CNTN2: variants seen among roughly 807,000 people sequenced by gnomAD.
CNTN2 encodes the protein contactin 2.
In CNTN2, 53 loss-of-function variants were observed where a neutral mutation model predicts 117.5. That is an observed-to-expected ratio of 0.45 (90% CI 0.36 to 0.57). The LOEUF (loss-of-function observed/expected upper bound fraction) is 0.57, where lower values mean the gene tolerates loss of function less well. Ranked by LOEUF, CNTN2 falls within the 20% of genes least tolerant of loss-of-function variation. CNTN2 has a pLI of 0.00. For missense variants in CNTN2, 1,106 were observed against 1,404.3 expected, an observed-to-expected ratio of 0.79 and a Z score of 3.39; for synonymous variants, 530 against 561.7, an observed-to-expected ratio of 0.94 and a Z score of 0.80.
In CNTN2 at chr1:205,072,691, T is replaced by C. The variant is rs1475811992; in HGVS notation, c.2844+96T>C. On this transcript the variant is annotated intron_variant, in intron 21 of 22. Transcript: ENST00000331830. Reference sequence around the variant, plus strand: ...GCAGCAATTTATAGCAAGAGGCATCTGAGTGAGACATAAGCAAAGGGTTTG... The same window carrying C: ...GCAGCAATTTATAGCAAGAGGCATCCGAGTGAGACATAAGCAAAGGGTTTG... The C allele has an allele frequency of 5.7e-6, 5 of 875,786 alleles. No homozygotes were observed. The African/African-American group carries it at 8.3e-5, about 14-fold the overall frequency. The allele number at this position is 875,786 out of a possible 1,614,324, so 54.3% of individuals were successfully genotyped here.
chr1:205,062,145 G>T (rs1489481560), intron 9 of CNTN2, 144 bp downstream of exon 9: 2 of 1,052,416 alleles, frequency 1.9e-6, no homozygotes, highest in South Asian at 3.4e-5. Context: ...GACCACCTAA[G>T]GACTTCTTCC....
At chr1:205,064,170 T>C in intron 10 of CNTN2, 152 bp from the exon 11 acceptor site, 1 of 810,826 alleles carries the variant, frequency 1.2e-6, no homozygotes, top group Non-Finnish European at 1.9e-6. Flanking sequence ...ATTTGATAGC[T>C]TAGGCCAGAG....
Position 205,073,332 on chromosome 1 carries a change from A to G in CNTN2, c.3013+96A>G. 1 of 1,439,564 alleles carries G rather than the reference A, an allele frequency of 6.9e-7. No individual in the cohort carries two copies. The highest frequency in any genetic ancestry group is 1.3e-5 in the South Asian group (1 of 77,182). 89.2% of individuals were successfully genotyped at this position (1,439,564 alleles called of 1,614,324 possible). A position where few individuals can be genotyped will look rare whatever the true frequency, so the allele number is the denominator to read the frequency against. On this transcript the variant is annotated intron_variant, in intron 22 of 22. Transcript: ENST00000331830. This position sits in a 1 kb window ranked among gnomAD's most constrained non-coding sequence, Gnocchi z 6.3. Reference sequence around the variant, plus strand: ...CCCACCCAGGCCAACTCCAATCTCTACCCGCAAAGGAAAGTGGAAGGCAGG... The same window carrying G: ...CCCACCCAGGCCAACTCCAATCTCTGCCCGCAAAGGAAAGTGGAAGGCAGG...
At chr1:205,050,958 G>A (rs568210999) in intron 1 of CNTN2, among the ~76,000 whole-genome samples, 1 of 152,302 alleles carries the variant, frequency 6.6e-6, no homozygotes, top group African/African-American at 2.4e-5. Context: ...AAGCTATGAT[G>A]TTCAGTAGAA....
rs1057173568 is a variant in CNTN2 at position 205,048,101 on chromosome 1, C to T, written c.-87+4707C>T. Reference sequence around the variant, plus strand: ...AGTACTTTGTAGGCTGATAATAAATCACTTAGTCTCTGCCCACAGCTGGGC... The same window carrying T: ...AGTACTTTGTAGGCTGATAATAAATTACTTAGTCTCTGCCCACAGCTGGGC... On this transcript the variant is annotated intron_variant, in intron 1 of 22. Transcript: ENST00000331830. The surrounding 1 kb of genome is among the most constrained non-coding windows in gnomAD (Gnocchi z 4.1). Among the ~76,000 whole-genome samples the T allele has an allele frequency of 6.6e-6, 1 of 152,122 alleles. No individual in the cohort carries two copies. The highest frequency in any genetic ancestry group is 2.1e-4 in the South Asian group (1 of 4,828).
chr1:205,056,721 G>A (rs1001835790), intron 2 of CNTN2, among the ~76,000 whole-genome samples: 7 of 152,164 alleles, frequency 4.6e-5, no homozygotes, highest in Non-Finnish European at 8.8e-5. Flanking sequence ...ACCTGACACC[G>A]CAGAAGCAAA....
rs543096647 is a variant in CNTN2, at chr1:205,048,169, A to C, written c.-87+4775A>C. ...TACCACCATCCATCGGAAGTTGCCA[A>C]ATCTCTCATTGCTCTCCAATCTCCA... On this transcript the variant is annotated intron_variant, in intron 1 of 22. Transcript: ENST00000331830. The surrounding 1 kb of genome is among the most constrained non-coding windows in gnomAD (Gnocchi z 4.1). Among the ~76,000 whole-genome samples the C allele has an allele frequency of 2.6e-5, 4 of 152,276 alleles. No homozygotes were observed. The highest frequency in any genetic ancestry group is 9.6e-5 in the African/African-American group (4 of 41,554).
chr1:205,070,273 G>A (rs1444226734), intron 18 of CNTN2, 153 bp from the exon 19 acceptor site: 2 of 695,976 alleles, frequency 2.9e-6, no homozygotes. Context: ...GAATAGAAGT[G>A]GGCCCTGGAG....
intron 10 of CNTN2, among the ~76,000 whole-genome samples, 194 bp from the exon 11 acceptor site, chr1:205,064,128 G>A (rs56944696): frequency 1.6e-5 from 1 of 64,414 alleles, no homozygotes; most frequent in Non-Finnish European, 3.5e-5. Context: ...AGGGGCGGAG[G>A]GGGGGCGCGT....
rs548608666 is a variant in CNTN2 at position 205,077,696 on chromosome 1, T to C, written c.*3931T>C. The C allele has an allele frequency of 2.0e-5, 3 of 152,462 alleles. No homozygotes were observed. In the East Asian group the frequency reaches 5.8e-4, roughly 29 times the overall value. 9.4% of individuals were successfully genotyped at this position (152,462 alleles called of 1,614,324 possible). On this transcript the variant is annotated 3_prime_UTR_variant, in exon 23 of 23. Coordinates refer to ENST00000331830, the MANE Select transcript of CNTN2 (RefSeq NM_005076.5). ...AATGAGAGAAACAAAATGGGTCAGA[T>C]AGCTTTGGCCACAGCCCCAGGCAGC... is the stretch of plus-strand genomic sequence containing the variant.
At position 205,078,199 on chromosome 1, in the gene CNTN2, G is replaced by T. The variant is rs1197534448; in HGVS notation, c.*4434G>T. 2 of 152,192 alleles carry T rather than the reference G, an allele frequency of 1.3e-5. No individual in the cohort carries two copies. The highest frequency in any genetic ancestry group is 4.8e-5 in the African/African-American group (2 of 41,412). The allele number at this position is 152,192 out of a possible 1,614,324, so 9.4% of individuals were successfully genotyped here. ...GGAAAAATTAGGCCAAGATCTTAAGGCAGGTCCAAGCAGAGCACAGGCAGG... is the reference window on the plus strand; with the variant it reads ...GGAAAAATTAGGCCAAGATCTTAAGTCAGGTCCAAGCAGAGCACAGGCAGG... On this transcript the variant is annotated 3_prime_UTR_variant, in exon 23 of 23. Coordinates refer to ENST00000331830, the MANE Select transcript of CNTN2 (RefSeq NM_005076.5).
chr1:205,043,322 G>A lies in CNTN2; in HGVS notation c.-159G>A, dbSNP rs2151178719. On this transcript the variant is annotated 5_prime_UTR_variant, in exon 1 of 23. Transcript: ENST00000331830. ...GACAGCGGCCCAGACAGGGGCTGGC[G>A]GCCCGGCCGGCCCCGGCTCACCGAC... 1 of 152,422 alleles carries A rather than the reference G, an allele frequency of 6.6e-6. No homozygotes were observed. Among genetic ancestry groups the A allele is most frequent in the Admixed American group, 6.5e-5 (1 of 15,304 alleles). 9.4% of individuals were successfully genotyped at this position (152,422 alleles called of 1,614,324 possible).
chr1:205,062,449 G>C lies in CNTN2; in HGVS notation c.1120G>C (p.Glu374Gln). 4 of 1,613,638 alleles carry C rather than the reference G, an allele frequency of 2.5e-6. No individual in the cohort carries two copies. The highest frequency in any genetic ancestry group is 3.4e-6 in the Non-Finnish European group (4 of 1,179,728). Residue 374 changes from glutamate (E) to glutamine (Q), a missense_variant, in exon 10 of 23, where the codon GAG becomes CAG. Glu to Gln is a conservative substitution (Grantham distance 29). Transcript: ENST00000331830. Reference protein sequence around the residue: ...GEPLASQNRVEVLAGDLRFSK... With the variant: ...GEPLASQNRVQVLAGDLRFSK... ...GGGCTCTTCTGCACAGAACCGGGTGGAGGTGTTGGCTGGGGACCTGCGGTT... is the reference window on the plus strand; with the variant it reads ...GGGCTCTTCTGCACAGAACCGGGTGCAGGTGTTGGCTGGGGACCTGCGGTT...
Position 205,059,549 on chromosome 1 carries a change from T to A in CNTN2, c.698-34T>A. 1 of 1,588,822 alleles carries A rather than the reference T, an allele frequency of 6.3e-7. No homozygotes were observed. Among genetic ancestry groups the A allele is most frequent in the Non-Finnish European group, 8.6e-7 (1 of 1,157,032 alleles). On this transcript the variant is annotated intron_variant, in intron 6 of 22. Transcript: ENST00000331830. This position sits in a 1 kb window ranked among gnomAD's most constrained non-coding sequence, Gnocchi z 5.6. ...CACGGGAGCACCTGACCTGGAGTCATCTGCATCTGATTTGTAAAACCCTCT... is the reference window on the plus strand; with the variant it reads ...CACGGGAGCACCTGACCTGGAGTCAACTGCATCTGATTTGTAAAACCCTCT...
intron 15 of CNTN2, 149 bp downstream of exon 15, chr1:205,066,748 G>T (rs1483570772): frequency 1.3e-5 from 12 of 946,652 alleles, no homozygotes; most frequent in Non-Finnish European, 1.9e-5. Context: ...TGCCAGCAGA[G>T]AGCATGCAGG....
At chr1:205,050,278 A>AGTGTGT (rs3073631) in intron 1 of CNTN2, among the ~76,000 whole-genome samples, 7,119 of 145,392 alleles carry the variant, frequency 0.049, 216 homozygotes, top group South Asian at 0.09. Flanking sequence ...TAGAGCTCTG[A>AGTGTGT]GTGTGTGTGT....
Position 205,064,753 on chromosome 1 carries a change from G to C in CNTN2, c.1519+3G>C, listed in dbSNP as rs190521009. 2.5e-6 allele frequency: 4 copies of C among 1,613,866 alleles called. No homozygotes were observed. In the Admixed American group the frequency reaches 6.7e-5, roughly 27 times the overall value. On this transcript the variant is annotated splice_donor_region_variant and intron_variant, in intron 12 of 22. Transcript: ENST00000331830. ...CACTGGAATCCTATCTGTGCGAGGTGAGGGCTGCCATGTGGGTAGGCCGGG... is the reference window on the plus strand; with the variant it reads ...CACTGGAATCCTATCTGTGCGAGGTCAGGGCTGCCATGTGGGTAGGCCGGG...
intron 1 of CNTN2, among the ~76,000 whole-genome samples, chr1:205,046,508 C>T (rs911103542): frequency 6.6e-6 from 1 of 152,316 alleles, no homozygotes; most frequent in Admixed American, 6.5e-5. Context: ...TCCTGCAGTG[C>T]TGCCCAAGAG....
At position 205,065,387 on chromosome 1, in the gene CNTN2, C is replaced by T; in HGVS notation, c.1695+125C>T. On this transcript the variant is annotated intron_variant, in intron 13 of 22. Transcript: ENST00000331830. This position sits in a 1 kb window ranked among gnomAD's most constrained non-coding sequence, Gnocchi z 4.1. ...CCTAAGCGCCCCCATTCCCTCAGGC[C>T]CACACATGGCAAGCTCATCCTTGGA... is the stretch of plus-strand genomic sequence containing the variant. The T allele has an allele frequency of 1.0e-6, 1 of 969,496 alleles. No homozygotes were observed. Among genetic ancestry groups the T allele is most frequent in the Non-Finnish European group, 1.5e-6 (1 of 648,902 alleles). 60.1% of individuals were successfully genotyped at this position (969,496 alleles called of 1,614,324 possible). A position where few individuals can be genotyped will look rare whatever the true frequency, so the allele number is the denominator to read the frequency against.
Sources: allele counts gnomAD v4.1 joint callset (sites outside exome capture counted in the v4.1 genomes callset), GRCh38; gene constraint gnomAD v4.1.1; non-coding constraint Gnocchi (gnomAD v3.1); transcripts MANE v1.5; gene names NCBI Gene and HGNC (gene_info 2026-07-23, HGNC 2026-07-21).